The following SEL1L2 variants were observed in gnomAD, a reference collection of about 807,000 sequenced individuals.
SEL1L2 encodes the protein protein sel-1 homolog 2.
In SEL1L2, 89 loss-of-function variants were observed where a neutral mutation model predicts 98.8. The observed-to-expected ratio is 0.90, with a 90% CI of 0.76 to 1.07. The LOEUF (loss-of-function observed/expected upper bound fraction) is 1.07, where lower values mean the gene tolerates loss of function less well. SEL1L2 is among the 50% of genes least tolerant of loss of function. The pLI is 0.00. For synonymous variants in SEL1L2, 262 were observed against 278.5 expected (o/e 0.94, Z 0.59); for missense variants, 788 against 812.0 (o/e 0.97, Z 0.36).
intron 18 of SEL1L2, among the ~76,000 whole-genome samples, chr20:13,852,848 T>G (rs1406522477): frequency 3.9e-5 from 6 of 152,232 alleles, no homozygotes; most frequent in African/African-American, 1.4e-4. Context: ...CCCAAATCTT[T>G]GGATGTCATA....
intron 5 of SEL1L2, among the ~76,000 whole-genome samples, chr20:13,905,553 A>T (rs2047889663): frequency 6.6e-6 from 1 of 151,972 alleles, no homozygotes; most frequent in South Asian, 2.1e-4. Flanking sequence ...TGACCTCATG[A>T]TCCGCCCTCC....
chr20:13,882,344 A>G (rs1222608243), intron 10 of SEL1L2, among the ~76,000 whole-genome samples: 1 of 152,188 alleles, frequency 6.6e-6, no homozygotes, highest in East Asian at 1.9e-4. Flanking sequence ...AGCTCTGCCC[A>G]TTGAGAGGAG....
chr20:13,929,944 C>G (rs890019808), intron 3 of SEL1L2, among the ~76,000 whole-genome samples: 2 of 152,194 alleles, frequency 1.3e-5, no homozygotes, highest in Non-Finnish European at 2.9e-5. Context: ...GCACATGCCA[C>G]CACACCCGGT....
At chr20:13,919,409 C>T (rs1486437160) in intron 3 of SEL1L2, among the ~76,000 whole-genome samples, 1 of 152,048 alleles carries the variant, frequency 6.6e-6, no homozygotes, top group African/African-American at 2.4e-5. Context: ...TGCTTTTGGT[C>T]TAGGGAAGGG....
chr20:13,932,085 G>A (rs145289061), intron 2 of SEL1L2, among the ~76,000 whole-genome samples: 148 of 152,164 alleles, frequency 9.7e-4, no homozygotes, highest in African/African-American at 3.4e-3. Flanking sequence ...AGTTGTCATG[G>A]TAATGTCAAT....
At chr20:13,897,289 A>C (rs1482173632) in intron 5 of SEL1L2, among the ~76,000 whole-genome samples, 1 of 152,348 alleles carries the variant, frequency 6.6e-6, no homozygotes, top group African/African-American at 2.4e-5. Flanking sequence ...GTAAGTCCTG[A>C]AACTATAAAA....
At chr20:13,910,742 AC>A (rs2048175488) in intron 5 of SEL1L2, among the ~76,000 whole-genome samples, 1 of 152,222 alleles carries the variant, frequency 6.6e-6, no homozygotes, top group Non-Finnish European at 1.5e-5. Flanking sequence ...AAAAAAAGAA[AC>A]AAAAAATGGC....
intron 17 of SEL1L2, among the ~76,000 whole-genome samples, chr20:13,859,731 AC>A (rs1364090514): frequency 6.6e-6 from 1 of 151,920 alleles, no homozygotes; most frequent in Non-Finnish European, 1.5e-5. Context: ...ACAGAGTTTC[AC>A]TCTTGTCACC....
intron 6 of SEL1L2, 115 bp from the exon 7 acceptor site, chr20:13,888,116 A>G (rs2047041937): frequency 1.2e-6 from 1 of 831,644 alleles, no homozygotes; most frequent in Non-Finnish European, 1.9e-6. Context: ...CCATTGAGTT[A>G]CTCCAAAATA....
chr20:13,863,272 A>G (rs982712045), intron 17 of SEL1L2, among the ~76,000 whole-genome samples: 3 of 152,202 alleles, frequency 2.0e-5, no homozygotes, highest in Admixed American at 2.0e-4. Context: ...GTCAAGTTGT[A>G]CAGGCAGTAA....
chr20:13,969,394 A>G (rs1243928216), intron 1 of SEL1L2, among the ~76,000 whole-genome samples: 3 of 152,122 alleles, frequency 2.0e-5, no homozygotes, highest in African/African-American at 7.2e-5. Context: ...GAACAGGTAA[A>G]ACATTGTTGT....
At chr20:13,949,387 G>A (rs575319492) in intron 2 of SEL1L2, among the ~76,000 whole-genome samples, 93 of 152,248 alleles carry the variant, frequency 6.1e-4, no homozygotes, top group African/African-American at 2.0e-3. Context: ...ACAACAGGCC[G>A]GGCGCGGTGG....
intron 5 of SEL1L2, among the ~76,000 whole-genome samples, chr20:13,898,643 TCTC>T (rs907312240): frequency 5.3e-5 from 8 of 152,168 alleles, no homozygotes; most frequent in Admixed American, 4.6e-4. Flanking sequence ...CCAGGCTTGT[TCTC>T]CTCCTGTCCA....
At chr20:13,869,959 C>T (rs952114780) in intron 13 of SEL1L2, among the ~76,000 whole-genome samples, 182 bp downstream of exon 13, 8 of 152,090 alleles carry the variant, frequency 5.3e-5, no homozygotes, top group African/African-American at 1.9e-4. Context: ...ATTCTTGTCA[C>T]AAGCTTGTTC....
intron 1 of SEL1L2, among the ~76,000 whole-genome samples, chr20:13,974,588 C>T (rs367813246): frequency 4.1e-5 from 6 of 144,698 alleles, no homozygotes; most frequent in African/African-American, 1.5e-4. Context: ...AAGAGATTCT[C>T]GTGCCTCAGC....
rs575566416 is a variant in SEL1L2 at position 13,945,214 on chromosome 20, G to C, written c.114+10862C>G. ...TCCAAAAAAGATCTGAACACTGAAA[G>C]CTTTTTCATTAGTTTGGTGCTCAAA... On this transcript the variant is annotated intron_variant, in intron 2 of 19. Transcript: ENST00000284951. Among the ~76,000 whole-genome samples, 15 of 152,246 alleles carry C rather than the reference G, an allele frequency of 9.9e-5. No homozygotes were observed. In the South Asian group the frequency reaches 3.1e-3, roughly 32 times the overall value.
upstream of SEL1L2, chr20:13,995,314 T>A (rs1224897339): frequency 4.1e-6 from 1 of 245,668 alleles, no homozygotes; most frequent in African/African-American, 2.4e-5. The surrounding 1 kb of genome is among the most constrained non-coding windows in gnomAD (Gnocchi z 4.3). Flanking sequence ...GCTCCCTGGC[T>A]CCGCCCCCTC....
intron 5 of SEL1L2, among the ~76,000 whole-genome samples, chr20:13,904,174 C>A (rs1306891144): frequency 4.6e-5 from 7 of 152,172 alleles, no homozygotes; most frequent in Non-Finnish European, 8.8e-5. Context: ...ATAGCTCTAA[C>A]ATGCAGTTTA....
chr20:13,855,996 A>G (rs1056775890), intron 18 of SEL1L2, among the ~76,000 whole-genome samples: 1 of 152,244 alleles, frequency 6.6e-6, no homozygotes, highest in African/African-American at 2.4e-5. Flanking sequence ...AGTCTTTACT[A>G]CAAGCTGAGG....
Sources: gnomAD v4.1 joint callset for allele counts (sites outside exome capture counted in the v4.1 genomes callset) on GRCh38, gnomAD v4.1.1 for gene constraint, Gnocchi (gnomAD v3.1) non-coding constraint, MANE v1.5 for transcripts, NCBI Gene and HGNC (gene_info 2026-07-23, HGNC 2026-07-21) for gene names.